RAPGEF6: variants seen among roughly 807,000 people sequenced by gnomAD.
RAPGEF6 encodes PDZ domain containing guanine nucleotide exchange factor (GEF) 2.
A neutral mutation model predicts 171.4 loss-of-function variants in RAPGEF6; 56 were observed. The ratio of observed to expected loss-of-function variants is 0.33; its 90% CI spans 0.26 to 0.41. The LOEUF (loss-of-function observed/expected upper bound fraction) is 0.41, where lower values mean the gene tolerates loss of function less well. Ranked by LOEUF, RAPGEF6 falls within the 10% of genes least tolerant of loss-of-function variation. The probability of loss-of-function intolerance (pLI) is 1.00; values close to 1 mark genes in which losing one functional copy is unlikely to be tolerated. For synonymous variants in RAPGEF6, 692 were observed against 650.1 expected, an observed-to-expected ratio of 1.06 and a Z score of -0.98; for missense variants, 1,674 against 1,921.4, an observed-to-expected ratio of 0.87 and a Z score of 2.41.
intron 21 of RAPGEF6, among the ~76,000 whole-genome samples, chr5:131,448,498 T>C (rs1277047362): frequency 2.0e-5 from 3 of 152,166 alleles, no homozygotes; most frequent in Non-Finnish European, 2.9e-5. Flanking sequence ...ACAATTGACG[T>C]TGTCTTGAAT....
intron 6 of RAPGEF6, among the ~76,000 whole-genome samples, chr5:131,528,293 A>C (rs866389113): frequency 3.6e-5 from 4 of 110,406 alleles, no homozygotes; most frequent in African/African-American, 1.1e-4. Flanking sequence ...ATATAAATAA[A>C]ATAAAATAAT....
At chr5:131,429,537 C>T (rs888561111) in intron 26 of RAPGEF6, among the ~76,000 whole-genome samples, 1 of 152,138 alleles carries the variant, frequency 6.6e-6, no homozygotes, top group Non-Finnish European at 1.5e-5. Flanking sequence ...GTCACACCAG[C>T]CCTAAAGATA....
At chr5:131,599,421 A>T (rs1250028222) in intron 3 of RAPGEF6, among the ~76,000 whole-genome samples, 1 of 152,182 alleles carries the variant, frequency 6.6e-6, no homozygotes, top group Non-Finnish European at 1.5e-5. Flanking sequence ...CACAGGCATG[A>T]GCAAAATAAA....
At chr5:131,497,231 T>C (rs1756696394) in intron 12 of RAPGEF6, among the ~76,000 whole-genome samples, 1 of 152,208 alleles carries the variant, frequency 6.6e-6, no homozygotes, top group East Asian at 1.9e-4. Context: ...TGTCTTTTCG[T>C]TGTTGAGTTG....
intron 15 of RAPGEF6, among the ~76,000 whole-genome samples, chr5:131,487,462 T>G (rs937056023): frequency 2.0e-5 from 3 of 152,170 alleles, no homozygotes; most frequent in African/African-American, 7.2e-5. Flanking sequence ...ATTGGTCCAT[T>G]TTACAGAGTG....
intron 5 of RAPGEF6, among the ~76,000 whole-genome samples, chr5:131,549,693 A>G (rs1312653001): frequency 6.6e-6 from 1 of 151,898 alleles, no homozygotes; most frequent in East Asian, 1.9e-4. Flanking sequence ...AAAAAAAAAA[A>G]GTTATGTGAA....
intron 6 of RAPGEF6, among the ~76,000 whole-genome samples, chr5:131,521,891 A>ACACACTCTCT (rs1250904540): frequency 7.3e-5 from 9 of 123,652 alleles, no homozygotes; most frequent in African/African-American, 2.7e-4. Flanking sequence ...ACACACACAC[A>ACACACTCTCT]CTCTCTCTCT....
intron 6 of RAPGEF6, among the ~76,000 whole-genome samples, chr5:131,523,091 A>G (rs921245605): frequency 2.0e-5 from 3 of 152,162 alleles, no homozygotes; most frequent in Non-Finnish European, 4.4e-5. Flanking sequence ...ACGAGACAGG[A>G]TGGCACTGAT....
intron 18 of RAPGEF6, among the ~76,000 whole-genome samples, chr5:131,462,915 T>C (rs1754038629): frequency 6.6e-6 from 1 of 152,178 alleles, no homozygotes; most frequent in Non-Finnish European, 1.5e-5. Context: ...CCTAAGACAA[T>C]GCCATAAATA....
At position 131,548,090 on chromosome 5, in the gene RAPGEF6, C is replaced by T. The variant is rs148581110; in HGVS notation, c.452G>A (p.Arg151His). ...CTCCACATCATCAGTAATGGTTTGG[C>T]GCTCTCCTTTATAGTTAATTTTCCG... ...RFRKINYKGE[R>H]QTITDDVEVN... Residue 151 changes from arginine to histidine, a missense_variant, in exon 6 of 28, where the codon CGC becomes CAC. Coordinates refer to ENST00000509018, the MANE Select transcript of RAPGEF6 (RefSeq NM_016340.6). 10 of 1,613,932 alleles carry T rather than the reference C, an allele frequency of 6.2e-6. No homozygotes were observed. Among genetic ancestry groups the T allele is most frequent in the South Asian group, 2.2e-5 (2 of 91,060 alleles).
intron 1 of RAPGEF6, among the ~76,000 whole-genome samples, chr5:131,612,882 C>G (rs1366890196): frequency 6.6e-6 from 1 of 152,124 alleles, no homozygotes; most frequent in Non-Finnish European, 1.5e-5. Context: ...ATTAACTTTT[C>G]AATGTTAAAG....
chr5:131,519,560 C>T (rs915002832), intron 7 of RAPGEF6, among the ~76,000 whole-genome samples: 1 of 152,110 alleles, frequency 6.6e-6, no homozygotes, highest in African/African-American at 2.4e-5. Context: ...TGCCACCACG[C>T]CCAGCTAATT....
chr5:131,594,038 C>T (rs1763743054), intron 3 of RAPGEF6, among the ~76,000 whole-genome samples: 1 of 152,168 alleles, frequency 6.6e-6, no homozygotes, highest in Non-Finnish European at 1.5e-5. Flanking sequence ...GAAAATGTTT[C>T]CAGGGCATTT....
At chr5:131,523,793 A>AGAAC (rs1758672658) in intron 6 of RAPGEF6, among the ~76,000 whole-genome samples, 1 of 150,874 alleles carries the variant, frequency 6.6e-6, no homozygotes, top group South Asian at 2.1e-4. Context: ...GCAAGATAAA[A>AGAAC]AAACAAACAA....
intron 6 of RAPGEF6, among the ~76,000 whole-genome samples, chr5:131,534,286 GAGA>G (rs1473839745): frequency 1.3e-5 from 2 of 152,008 alleles, no homozygotes; most frequent in Non-Finnish European, 2.9e-5. Context: ...CAATATCTTT[GAGA>G]AAAGTCTGAG....
intron 17 of RAPGEF6, among the ~76,000 whole-genome samples, chr5:131,471,055 C>T (rs563679917): frequency 6.6e-6 from 1 of 152,204 alleles, no homozygotes; most frequent in Non-Finnish European, 1.5e-5. Flanking sequence ...CTTAGTGCTT[C>T]CTTTACCCTT....
intron 21 of RAPGEF6, among the ~76,000 whole-genome samples, chr5:131,451,723 C>T (rs1391257935): frequency 6.6e-6 from 1 of 152,130 alleles, no homozygotes; most frequent in Non-Finnish European, 1.5e-5. Flanking sequence ...AAAGTAATGG[C>T]AAAAATCACA....
chr5:131,469,853 A>T, intron 17 of RAPGEF6: 2 of 1,498,194 alleles, frequency 1.3e-6, no homozygotes, highest in Non-Finnish European at 1.8e-6. Flanking sequence ...CAAAGTAAGC[A>T]ATCAAAAACA....
At chr5:131,435,727 G>T in intron 24 of RAPGEF6, 1 of 833,438 alleles carries the variant, frequency 1.2e-6, no homozygotes. Context: ...CACAGATCCA[G>T]CTAACAGTAG....
Sources: allele counts gnomAD v4.1 joint callset (sites outside exome capture counted in the v4.1 genomes callset), GRCh38; gene constraint gnomAD v4.1.1; transcripts MANE v1.5; gene names NCBI Gene and HGNC (gene_info 2026-07-23, HGNC 2026-07-21).